SCN11A: variants seen among roughly 807,000 people sequenced by gnomAD.
SCN11A encodes sodium voltage-gated channel alpha subunit 11.
In SCN11A, 122 loss-of-function variants were observed where a neutral mutation model predicts 162.2. The observed-to-expected ratio is 0.75, with a 90% CI of 0.65 to 0.87. The LOEUF (loss-of-function observed/expected upper bound fraction) is 0.87, where lower values mean the gene tolerates loss of function less well. Ranked by LOEUF, SCN11A falls within the 40% of genes least tolerant of loss-of-function variation. The probability of loss-of-function intolerance (pLI) is 0.00; values close to 1 mark genes in which losing one functional copy is unlikely to be tolerated. For synonymous variants in SCN11A, 758 were observed against 751.5 expected (o/e 1.01, Z -0.14); for missense variants, 2,015 against 2,181.6 (o/e 0.92, Z 1.52).
intron 2 of SCN11A, among the ~76,000 whole-genome samples, chr3:39,013,473 A>G (rs1559574261): frequency 1.3e-5 from 2 of 149,604 alleles, no homozygotes; most frequent in Non-Finnish European, 1.5e-5. Flanking sequence ...AGTGCCTCCC[A>G]TTGGCTGAAC....
intron 1 of SCN11A, among the ~76,000 whole-genome samples, chr3:39,049,278 T>G (rs1053131381): frequency 1.2e-4 from 19 of 152,246 alleles, no homozygotes; most frequent in South Asian, 4.1e-4. Flanking sequence ...TCTCAGTGAT[T>G]GAGTACACAA....
At chr3:38,913,727 T>C (rs2065918250) in intron 11 of SCN11A, among the ~76,000 whole-genome samples, 1 of 152,006 alleles carries the variant, frequency 6.6e-6, no homozygotes, top group African/African-American at 2.4e-5. Context: ...TAGCCAGTTA[T>C]TCCAGCACCA....
intron 2 of SCN11A, among the ~76,000 whole-genome samples, chr3:39,004,823 T>A (rs543072439): frequency 1.3e-5 from 2 of 152,216 alleles, no homozygotes; most frequent in Non-Finnish European, 2.9e-5. Context: ...TTCATACATA[T>A]AATTCTATAT....
intron 29 of SCN11A, among the ~76,000 whole-genome samples, chr3:38,848,971 T>C (rs1352001838): frequency 6.6e-6 from 1 of 152,180 alleles, no homozygotes; most frequent in Non-Finnish European, 1.5e-5. Flanking sequence ...CTGTCCACAT[T>C]AGTAAGTAGG....
At chr3:38,923,785 G>A (rs918379897) in intron 9 of SCN11A, among the ~76,000 whole-genome samples, 26 of 152,110 alleles carry the variant, frequency 1.7e-4, no homozygotes, top group Non-Finnish European at 2.8e-4. Flanking sequence ...GAGGACGCCT[G>A]TGAAAGATGA....
At chr3:38,920,660 T>C (rs2066034000) in intron 10 of SCN11A, among the ~76,000 whole-genome samples, 1 of 133,822 alleles carries the variant, frequency 7.5e-6, no homozygotes, top group Non-Finnish European at 1.5e-5. Context: ...CACTCCGGCC[T>C]GGTGACAGAG....
chr3:39,043,084 A>T (rs2032095047), intron 1 of SCN11A, among the ~76,000 whole-genome samples: 1 of 152,192 alleles, frequency 6.6e-6, no homozygotes, highest in South Asian at 2.1e-4. Context: ...ATCATTAATT[A>T]TCAGAGAAAT....
At chr3:38,890,828 C>T (rs1245798920) in intron 19 of SCN11A, among the ~76,000 whole-genome samples, 1 of 152,332 alleles carries the variant, frequency 6.6e-6, no homozygotes, top group Non-Finnish European at 1.5e-5. Context: ...AAAGCTTTCA[C>T]ATTGTGTGTG....
At chr3:38,926,153 T>A (rs1034251426) in intron 8 of SCN11A, among the ~76,000 whole-genome samples, 2 of 152,348 alleles carry the variant, frequency 1.3e-5, no homozygotes, top group Non-Finnish European at 2.9e-5. Flanking sequence ...TTTTGCTGAC[T>A]CCATTTCATC....
intron 2 of SCN11A, among the ~76,000 whole-genome samples, chr3:38,981,757 C>A (rs1367861009): frequency 6.6e-6 from 1 of 152,128 alleles, no homozygotes; most frequent in East Asian, 1.9e-4. Flanking sequence ...GTAATCCCAG[C>A]ACTTTGGGAG....
chr3:38,888,406 T>C (rs986852932), intron 19 of SCN11A, among the ~76,000 whole-genome samples: 5 of 152,238 alleles, frequency 3.3e-5, no homozygotes, highest in Non-Finnish European at 7.3e-5. Flanking sequence ...ATGACAGATC[T>C]TCCCACTAAA....
chr3:38,978,271 A>G (rs1437813518), intron 2 of SCN11A, among the ~76,000 whole-genome samples: 1 of 152,118 alleles, frequency 6.6e-6, no homozygotes, highest in African/African-American at 2.4e-5. Flanking sequence ...TTAACTTACT[A>G]TTTTTATTTA....
chr3:38,939,822 G>A (rs1275517752), intron 7 of SCN11A, among the ~76,000 whole-genome samples: 1 of 151,790 alleles, frequency 6.6e-6, no homozygotes. Flanking sequence ...AGAATCGCTT[G>A]AACCCGGGAG....
Position 38,850,718 on chromosome 3 carries a change from T to G in SCN11A, c.4090A>C (p.Thr1364Pro). 6.2e-7 allele frequency: 1 copy of G among 1,612,654 alleles called. No homozygotes were observed. The change falls in exon 29 of 30, where the codon ACA becomes CCA. Residue 1364 changes from threonine (T) to proline (P), a missense_variant. Transcript: ENST00000302328. ...KCQGLVFDIV[T>P]SQIFDIIIIS... Reference sequence around the variant, plus strand: ...ATGATGATGTCAAAGATCTGGCTTGTGACTATGTCGAACACGAGACCTTGA... The same window carrying G: ...ATGATGATGTCAAAGATCTGGCTTGGGACTATGTCGAACACGAGACCTTGA...
chr3:38,913,596 A>T (rs62242294), intron 11 of SCN11A, among the ~76,000 whole-genome samples: 6,524 of 152,174 alleles, frequency 0.043, 188 homozygotes, highest in Non-Finnish European at 0.065. Context: ...ATGGTATTGC[A>T]TAGGTTGTCT....
chr3:38,964,478 C>T (rs1286379521), intron 2 of SCN11A, among the ~76,000 whole-genome samples: 6 of 152,216 alleles, frequency 3.9e-5, no homozygotes, highest in East Asian at 3.9e-4. Flanking sequence ...TGAGAAAGAA[C>T]CATAAAAAAG....
chr3:39,037,768 T>C (rs1317435501), intron 1 of SCN11A, among the ~76,000 whole-genome samples: 2 of 152,138 alleles, frequency 1.3e-5, no homozygotes, highest in African/African-American at 4.8e-5. Context: ...CCCATAGATA[T>C]TGAGGGATGA....
chr3:38,894,556 T>G lies in SCN11A; in HGVS notation c.2812A>C (p.Thr938Pro), dbSNP rs1291333389. 3.7e-6 allele frequency: 6 copies of G among 1,610,506 alleles called. No homozygotes were observed. The highest frequency in any genetic ancestry group is 5.1e-6 in the Non-Finnish European group (6 of 1,178,314). ...FSGEDNAQRI[T>P]QPEPEQQAYE... ...ACCTGTTGTTCAGGCTCAGGTTGTG[T>G]GATGCGCTGTGCATTATCTTCACCA... The change falls in exon 19 of 30, where the codon ACA becomes CCA. Residue 938 changes from threonine (T) to proline (P), a missense_variant. Thr to Pro is a conservative substitution (Grantham distance 38). Coordinates refer to ENST00000302328, the MANE Select transcript of SCN11A (RefSeq NM_001349253.2).
intron 2 of SCN11A, among the ~76,000 whole-genome samples, chr3:39,001,777 G>A (rs1178859578): frequency 6.6e-6 from 1 of 152,190 alleles, no homozygotes; most frequent in African/African-American, 2.4e-5. Context: ...GCTCACGCCT[G>A]TAATCCCAGC....
Sources: gnomAD v4.1 joint callset for allele counts (sites outside exome capture counted in the v4.1 genomes callset) on GRCh38, gnomAD v4.1.1 for gene constraint, MANE v1.5 for transcripts, NCBI Gene and HGNC (gene_info 2026-07-23, HGNC 2026-07-21) for gene names.